The following CCDC178 variants were observed in gnomAD, a reference collection of about 807,000 sequenced individuals.
The protein encoded by CCDC178 is coiled-coil domain containing 178, also known as coiled-coil domain-containing protein 178.
Under a neutral mutation model 117.4 loss-of-function variants are expected in CCDC178, and 126 were observed. The observed-to-expected ratio is 1.07, with a 90% CI of 0.93 to 1.24. The LOEUF is 1.24. Among genes scored for constraint, CCDC178 ranks in the 50% most tolerant of loss-of-function variants. CCDC178 has a pLI of 0.00. For synonymous variants in CCDC178, 283 were observed against 313.4 expected, an observed-to-expected ratio of 0.90 and a Z score of 1.02; for missense variants, 1,030 against 986.9, an observed-to-expected ratio of 1.04 and a Z score of -0.59.
chr18:33,271,337 G>A (rs775022656), intron 12 of CCDC178, among the ~76,000 whole-genome samples: 3 of 151,366 alleles, frequency 2.0e-5, no homozygotes, highest in South Asian at 2.1e-4. Context: ...TATCATATAC[G>A]GTTCACAAAA....
rs546657335 is a variant in CCDC178, at chr18:33,209,326, T to C, written c.2238+2570A>G. On this transcript the variant is annotated intron_variant, in intron 20 of 22. Coordinates refer to ENST00000383096, the MANE Select transcript of CCDC178 (RefSeq NM_001105528.4). ...TATCTGAAGTTTGTGTATATTTTCT[T>C]ACCTTTATTAGCTGTTGGTATTTCT... Among the ~76,000 whole-genome samples the C allele has an allele frequency of 4.6e-5, 7 of 152,174 alleles. No individual in the cohort carries two copies. In the South Asian group the frequency reaches 6.2e-4, roughly 14 times the overall value.
chr18:33,436,148 A>G (rs1334207657), intron 2 of CCDC178, among the ~76,000 whole-genome samples: 1 of 152,210 alleles, frequency 6.6e-6, no homozygotes, highest in African/African-American at 2.4e-5. Flanking sequence ...TTGAAGGATA[A>G]AAATGAATGG....
intron 21 of CCDC178, among the ~76,000 whole-genome samples, chr18:32,977,926 A>T (rs750514877): frequency 2.0e-4 from 30 of 152,328 alleles, no homozygotes; most frequent in African/African-American, 7.2e-4. Flanking sequence ...TGGAAAGATG[A>T]GCTGTAGAGG....
In CCDC178 at chr18:33,043,176, TAGTA is replaced by T. The variant is rs536594432; in HGVS notation, c.2388+49581_2388+49584del. 1.8e-3 allele frequency among the ~76,000 whole-genome samples: 267 copies of T among 152,124 alleles called. 2 individuals are homozygous for T. The highest frequency in any genetic ancestry group is 6.2e-3 in the African/African-American group (256 of 41,552). ...TAATCTTGTTTTAAAATACGACATATAGTAAGTAACACTGAAGGTTCTATGTAAA... is the reference window on the plus strand; with the variant it reads ...TAATCTTGTTTTAAAATACGACATATAGTAACACTGAAGGTTCTATGTAAA... On this transcript the variant is annotated intron_variant, in intron 21 of 22. Coordinates refer to ENST00000383096, the MANE Select transcript of CCDC178 (RefSeq NM_001105528.4).
chr18:33,332,740 A>G (rs1599174549), intron 10 of CCDC178, among the ~76,000 whole-genome samples: 2 of 152,078 alleles, frequency 1.3e-5, no homozygotes, highest in Admixed American at 6.5e-5. Context: ...CAGCCTCCCA[A>G]GTAGAGGATA....
intron 11 of CCDC178, among the ~76,000 whole-genome samples, chr18:33,313,823 G>A (rs2062375447): frequency 6.6e-6 from 1 of 152,158 alleles, no homozygotes; most frequent in South Asian, 2.1e-4. Context: ...TCAGAGTTAA[G>A]CTCAGCGCCT....
intron 21 of CCDC178, among the ~76,000 whole-genome samples, chr18:32,991,119 G>A (rs1440451692): frequency 6.6e-6 from 1 of 150,558 alleles, no homozygotes; most frequent in African/African-American, 2.5e-5. Context: ...ATAAAATGGG[G>A]GCTATTATCA....
At chr18:33,033,313 T>G (rs764413380) in intron 21 of CCDC178, among the ~76,000 whole-genome samples, 1 of 152,096 alleles carries the variant, frequency 6.6e-6, no homozygotes, top group Non-Finnish European at 1.5e-5. Context: ...AAAAAATATT[T>G]CTTTTTCTCC....
chr18:33,210,250 A>G (rs1055105998), intron 20 of CCDC178, among the ~76,000 whole-genome samples: 4 of 152,066 alleles, frequency 2.6e-5, no homozygotes, highest in Non-Finnish European at 5.9e-5. Context: ...ATAGGCAGAC[A>G]AAAGACAGGT....
chr18:33,075,830 A>G lies in CCDC178; in HGVS notation c.2388+16931T>C, dbSNP rs757333314. Among the ~76,000 whole-genome samples, 80 of 152,000 alleles carry G rather than the reference A, an allele frequency of 5.3e-4. 1 individual carries two copies. Among genetic ancestry groups the G allele is most frequent in the Non-Finnish European group, 9.7e-4 (66 of 67,980 alleles). On this transcript the variant is annotated intron_variant, in intron 21 of 22. Transcript: ENST00000383096. ...CTAAAAATACAAAAATTAGCCAGGC[A>G]TGGTGGTATATGCCTGTAATCCCAG...
At chr18:33,419,633 G>A (rs1053706368) in intron 2 of CCDC178, among the ~76,000 whole-genome samples, 1 of 152,102 alleles carries the variant, frequency 6.6e-6, no homozygotes, top group African/African-American at 2.4e-5. Context: ...CAAACGACAT[G>A]TAGACTTTTC....
At chr18:32,954,829 G>A (rs1233860949) in intron 22 of CCDC178, among the ~76,000 whole-genome samples, 1 of 152,076 alleles carries the variant, frequency 6.6e-6, no homozygotes, top group Non-Finnish European at 1.5e-5. Context: ...AGAATGAATG[G>A]TGTAAGACAG....
chr18:33,145,437 T>C (rs2058256369), intron 20 of CCDC178, among the ~76,000 whole-genome samples: 1 of 152,218 alleles, frequency 6.6e-6, no homozygotes, highest in Non-Finnish European at 1.5e-5. Flanking sequence ...AAGAATATCC[T>C]TGTCCTCTTC....
intron 15 of CCDC178, among the ~76,000 whole-genome samples, chr18:33,236,669 A>C (rs1158267077): frequency 1.3e-5 from 2 of 152,200 alleles, no homozygotes; most frequent in Non-Finnish European, 2.9e-5. Flanking sequence ...TCCGCACCCC[A>C]AAAAGAACCA....
At chr18:33,041,543 T>A (rs1446034221) in intron 21 of CCDC178, among the ~76,000 whole-genome samples, 1 of 151,356 alleles carries the variant, frequency 6.6e-6, no homozygotes, top group African/African-American at 2.4e-5. Context: ...AATCCGTTAA[T>A]AATATCTAAT....
chr18:33,003,256 A>G (rs1300014711), intron 21 of CCDC178, among the ~76,000 whole-genome samples: 1 of 152,124 alleles, frequency 6.6e-6, no homozygotes, highest in Non-Finnish European at 1.5e-5. Context: ...AACCAATATC[A>G]CTGACAAACA....
intron 5 of CCDC178, among the ~76,000 whole-genome samples, chr18:33,376,643 A>G (rs990380488): frequency 6.6e-6 from 1 of 152,036 alleles, no homozygotes; most frequent in Non-Finnish European, 1.5e-5. Context: ...TATTGATGCC[A>G]TCTTTATGTC....
intron 22 of CCDC178, among the ~76,000 whole-genome samples, chr18:32,939,158 T>C (rs1315136016): frequency 6.6e-6 from 1 of 152,136 alleles, no homozygotes; most frequent in African/African-American, 2.4e-5. Context: ...TAAGGCTATA[T>C]ACTTAAGCAG....
Position 33,245,244 on chromosome 18 carries a change from C to A in CCDC178, c.1593+1G>T. ...GTAAGAGGAACACAAAGATACACAA[C>A]CTTGAACTTTCTTCTCACTTCTGCT... On this transcript the variant is annotated splice_donor_variant, in intron 15 of 22. Coordinates refer to ENST00000383096, the MANE Select transcript of CCDC178 (RefSeq NM_001105528.4). LOFTEE classifies it high-confidence loss of function. The A allele has an allele frequency of 6.3e-7, 1 of 1,577,466 alleles. No homozygotes were observed. Among genetic ancestry groups the A allele is most frequent in the East Asian group, 2.3e-5 (1 of 43,672 alleles).
Sources: gnomAD v4.1 joint callset for allele counts (sites outside exome capture counted in the v4.1 genomes callset) on GRCh38, gnomAD v4.1.1 for gene constraint, MANE v1.5 for transcripts, NCBI Gene and HGNC (gene_info 2026-07-23, HGNC 2026-07-21) for gene names.